Variants in CSMD2 observed in about 807,000 individuals in gnomAD.
CSMD2 encodes CUB and sushi domain-containing protein 2.
In CSMD2, 130 loss-of-function variants were observed where a neutral mutation model predicts 398.5. That is an observed-to-expected ratio of 0.33 (90% CI 0.28 to 0.38). The LOEUF is 0.38. CSMD2 is among the 10% of genes least tolerant of loss of function. CSMD2 has a pLI of 1.00. For missense variants in CSMD2, 3,829 were observed against 4,764.9 expected, an observed-to-expected ratio of 0.80 and a Z score of 5.78; for synonymous variants, 1,828 against 1,908.5, an observed-to-expected ratio of 0.96 and a Z score of 1.10.
intron 1 of CSMD2, among the ~76,000 whole-genome samples, chr1:34,098,183 T>C (rs1317076231): frequency 7.6e-6 from 1 of 131,374 alleles, no homozygotes; most frequent in Non-Finnish European, 1.6e-5. Context: ...AAACACCGCA[T>C]ATTCTCACTC....
chr1:33,539,459 A>G (rs1656128248), intron 60 of CSMD2, among the ~76,000 whole-genome samples: 1 of 152,204 alleles, frequency 6.6e-6, no homozygotes. Flanking sequence ...GTATTGATGG[A>G]AAGGTTTTGG....
chr1:33,644,551 A>G (rs1179675923), intron 29 of CSMD2, among the ~76,000 whole-genome samples: 1 of 152,190 alleles, frequency 6.6e-6, no homozygotes, highest in African/African-American at 2.4e-5. Context: ...ACGTTTGTGC[A>G]GCTTTGTCTG....
At chr1:33,767,318 A>G (rs1005640049) in intron 13 of CSMD2, among the ~76,000 whole-genome samples, 3 of 152,232 alleles carry the variant, frequency 2.0e-5, no homozygotes, top group African/African-American at 7.2e-5. Context: ...TTTAAGGGAG[A>G]GAGAATATGA....
chr1:33,629,097 T>C (rs542552764), intron 32 of CSMD2, among the ~76,000 whole-genome samples: 32 of 144,294 alleles, frequency 2.2e-4, no homozygotes, highest in Admixed American at 6.2e-4. Context: ...AAAACTAAAG[T>C]AGGGAATTCA....
chr1:33,710,504 A>G (rs1457311032), intron 21 of CSMD2, among the ~76,000 whole-genome samples: 1 of 152,222 alleles, frequency 6.6e-6, no homozygotes, highest in Non-Finnish European at 1.5e-5. Flanking sequence ...ATGTAAATAC[A>G]AGTCCAGATG....
At position 33,994,848 on chromosome 1, in the gene CSMD2, G is replaced by A. The variant is rs564213127; in HGVS notation, c.517+37746C>T. ...TGGGAGGCCGAGTTGGGTGGATCAC[G>A]AGGTCAGGAGATCGATACCAGCCTG... On this transcript the variant is annotated intron_variant, in intron 3 of 70. Coordinates refer to ENST00000373381, the MANE Select transcript of CSMD2 (RefSeq NM_001281956.2). 5.9e-5 allele frequency among the ~76,000 whole-genome samples: 9 copies of A among 152,120 alleles called. No homozygotes were observed. In the South Asian group the frequency reaches 1.9e-3, roughly 32 times the overall value.
chr1:33,546,600 T>C (rs1171521081), intron 56 of CSMD2, among the ~76,000 whole-genome samples: 1 of 152,218 alleles, frequency 6.6e-6, no homozygotes, highest in African/African-American at 2.4e-5. Flanking sequence ...TGTCTTAGCT[T>C]AGACATTCAA....
chr1:33,701,997 C>T (rs1645627649), intron 22 of CSMD2, among the ~76,000 whole-genome samples: 1 of 152,120 alleles, frequency 6.6e-6, no homozygotes, highest in South Asian at 2.1e-4. Flanking sequence ...AAAAATCAGA[C>T]CTGATCAGAT....
intron 44 of CSMD2, among the ~76,000 whole-genome samples, chr1:33,596,331 C>T (rs967091082): frequency 5.9e-5 from 9 of 152,074 alleles, no homozygotes; most frequent in Non-Finnish European, 5.9e-5. Flanking sequence ...CAGCTCCATC[C>T]CTGTACAGAT....
intron 55 of CSMD2, among the ~76,000 whole-genome samples, chr1:33,551,115 T>G (rs983477781): frequency 1.3e-5 from 2 of 152,206 alleles, no homozygotes; most frequent in South Asian, 2.1e-4. Flanking sequence ...CCATGCAAAA[T>G]TTTGGAGAAG....
intron 3 of CSMD2, among the ~76,000 whole-genome samples, chr1:33,953,103 A>G (rs1310920402): frequency 1.3e-5 from 2 of 152,224 alleles, no homozygotes; most frequent in Admixed American, 1.3e-4. Context: ...TAGGTGGACC[A>G]TGGGCAAAAG....
chr1:33,646,789 G>A lies in CSMD2; in HGVS notation c.4633C>T (p.Arg1545Trp), dbSNP rs867644442. The A allele has an allele frequency of 8.7e-6, 14 of 1,613,636 alleles. No individual in the cohort carries two copies. The highest frequency in any genetic ancestry group is 6.7e-5 in the African/African-American group (5 of 74,904). Residue 1545 changes from arginine to tryptophan, a missense_variant, in exon 29 of 71, where the codon CGG becomes TGG. Arg to Trp is a moderately radical substitution (Grantham distance 101). Around this residue, in one of 5 missense-constraint regions of CSMD2, gnomAD observed 2,001 missense variants for 2,567.1 expected, o/e 0.78. Transcript: ENST00000373381. Reference sequence around the variant, plus strand: ...CCTATGAGAGGGCTGAGAGAGTCCCGTCCGTCGTAGATATGGAGGAAGTCA... The same window carrying A: ...CCTATGAGAGGGCTGAGAGAGTCCCATCCGTCGTAGATATGGAGGAAGTCA... ...GYDFLHIYDG[R>W]DSLSPLIGSF...
chr1:33,558,680 G>A (rs972448904), intron 54 of CSMD2, among the ~76,000 whole-genome samples: 7 of 152,158 alleles, frequency 4.6e-5, no homozygotes, highest in Non-Finnish European at 8.8e-5. Flanking sequence ...CTCTAAAAGC[G>A]TTAGAAGCTA....
At chr1:34,034,085 CA>C (rs1293036002) in intron 2 of CSMD2, among the ~76,000 whole-genome samples, 27 of 152,136 alleles carry the variant, frequency 1.8e-4, no homozygotes, top group African/African-American at 5.8e-4. Context: ...AAAATGTATA[CA>C]TAAAATAATG....
chr1:33,724,361 A>T (rs758329137), intron 18 of CSMD2, 48 bp from the exon 19 acceptor site: 30 of 1,525,312 alleles, frequency 2.0e-5, no homozygotes, highest in Non-Finnish European at 2.5e-5. Flanking sequence ...GGCCTCAGGG[A>T]GCACCCCCGT....
At chr1:34,066,718 A>C (rs999104337) in intron 2 of CSMD2, among the ~76,000 whole-genome samples, 1 of 152,084 alleles carries the variant, frequency 6.6e-6, no homozygotes, top group Non-Finnish European at 1.5e-5. Flanking sequence ...TGGACCAGCC[A>C]GGGGGTTGGG....
At chr1:33,728,875 T>C (rs1646630262) in intron 15 of CSMD2, among the ~76,000 whole-genome samples, 1 of 152,164 alleles carries the variant, frequency 6.6e-6, no homozygotes, top group Non-Finnish European at 1.5e-5. Context: ...ATATCAAACA[T>C]TGGGAGAGTA....
chr1:33,559,907 G>T lies in CSMD2; in HGVS notation c.8381-434C>A, dbSNP rs906684825. 2.6e-4 allele frequency among the ~76,000 whole-genome samples: 40 copies of T among 152,106 alleles called. No homozygotes were observed. The highest frequency in any genetic ancestry group is 8.8e-5 in the Non-Finnish European group (6 of 68,032). ...ACCAGAGTGAATACTAACCAAGACTGGTGCAGAGTTCAGTCACTCTGCTAG... is the reference window on the plus strand; with the variant it reads ...ACCAGAGTGAATACTAACCAAGACTTGTGCAGAGTTCAGTCACTCTGCTAG... On this transcript the variant is annotated intron_variant, in intron 53 of 70. Coordinates refer to ENST00000373381, the MANE Select transcript of CSMD2 (RefSeq NM_001281956.2). The surrounding 1 kb of genome is among the most constrained non-coding windows in gnomAD (Gnocchi z 4.0).
intron 2 of CSMD2, among the ~76,000 whole-genome samples, chr1:34,078,549 TACA>T (rs1656692654): frequency 6.6e-6 from 1 of 152,198 alleles, no homozygotes; most frequent in African/African-American, 2.4e-5. Flanking sequence ...GTGGCTCACA[TACA>T]ACAACCCTGT....
Sources: gnomAD v4.1 joint callset for allele counts (sites outside exome capture counted in the v4.1 genomes callset) on GRCh38, gnomAD v4.1.1 for gene constraint, gnomAD v4.1.1 regional missense constraint, Gnocchi (gnomAD v3.1) non-coding constraint, MANE v1.5 for transcripts, NCBI Gene and HGNC (gene_info 2026-07-23, HGNC 2026-07-21) for gene names.